The following WWOX variants were observed in gnomAD, a reference collection of about 807,000 sequenced individuals.
The protein encoded by WWOX is WW domain containing oxidoreductase, also known as WW domain-containing oxidoreductase.
In WWOX, 69 loss-of-function variants were observed where a neutral mutation model predicts 46.2. The ratio of observed to expected loss-of-function variants is 1.49; its 90% CI spans 1.23 to 1.82. The LOEUF (loss-of-function observed/expected upper bound fraction) is 1.82. Among genes scored for constraint, WWOX ranks in the 40% most tolerant of loss-of-function variants. The pLI is 0.00. For synonymous variants in WWOX, 359 were observed against 202.6 expected, an observed-to-expected ratio of 1.77 and a Z score of -6.56; for missense variants, 919 against 542.6, an observed-to-expected ratio of 1.69 and a Z score of -6.89.
At chr16:78,717,671 A>G (rs113108321) in intron 8 of WWOX, among the ~76,000 whole-genome samples, 1 of 152,208 alleles carries the variant, frequency 6.6e-6, no homozygotes, top group Non-Finnish European at 1.5e-5. Context: ...GGGTTTTCCA[A>G]GAAGAGGCAC....
At chr16:78,459,488 A>G (rs886842493) in intron 8 of WWOX, among the ~76,000 whole-genome samples, 14 of 152,306 alleles carry the variant, frequency 9.2e-5, no homozygotes, top group African/African-American at 4.8e-5. Context: ...GTCATGCGGT[A>G]TCTGCCATTT....
intron 8 of WWOX, among the ~76,000 whole-genome samples, chr16:78,436,601 G>A (rs576196428): frequency 6.6e-6 from 1 of 152,318 alleles, no homozygotes; most frequent in East Asian, 1.9e-4. Flanking sequence ...AGAAGTTATT[G>A]AGGTTTTTGC....
chr16:78,391,805 C>A lies in WWOX; in HGVS notation c.605+4857C>A, dbSNP rs1231216239. 2.6e-5 allele frequency among the ~76,000 whole-genome samples: 4 copies of A among 152,176 alleles called. No individual in the cohort carries two copies. The South Asian group carries it at 8.3e-4, about 32-fold the overall frequency. ...GGCAGAGGTTGCAGTGAGCCGAGATCATGCCTGGGGGACAGTGAGACTCTG... is the reference window on the plus strand; with the variant it reads ...GGCAGAGGTTGCAGTGAGCCGAGATAATGCCTGGGGGACAGTGAGACTCTG... On this transcript the variant is annotated intron_variant, in intron 6 of 8. Transcript: ENST00000566780.
chr16:79,047,238 A>T (rs1446287361), intron 8 of WWOX, among the ~76,000 whole-genome samples: 3 of 152,172 alleles, frequency 2.0e-5, no homozygotes, highest in Non-Finnish European at 4.4e-5. Flanking sequence ...CCTTACCCTC[A>T]TGGATTCACC....
chr16:78,542,152 C>G (rs1317296329), intron 8 of WWOX, among the ~76,000 whole-genome samples: 3 of 146,828 alleles, frequency 2.0e-5, no homozygotes, highest in Admixed American at 7.2e-5. Flanking sequence ...CACTAGACAT[C>G]TCAGGATTTG....
intron 8 of WWOX, among the ~76,000 whole-genome samples, chr16:78,732,480 A>T (rs150789228): frequency 1.0e-3 from 154 of 152,312 alleles, no homozygotes; most frequent in African/African-American, 3.3e-3. Flanking sequence ...TGTGAAGCAG[A>T]GGCTGACTGT....
intron 8 of WWOX, among the ~76,000 whole-genome samples, chr16:78,904,948 T>A (rs529601498): frequency 1.3e-5 from 2 of 152,328 alleles, no homozygotes; most frequent in South Asian, 4.1e-4. Flanking sequence ...GTTTTCCAAA[T>A]TGTCTTCCCA....
At chr16:78,113,660 C>T (rs150049744) in intron 3 of WWOX, among the ~76,000 whole-genome samples, 4 of 152,124 alleles carry the variant, frequency 2.6e-5, no homozygotes, top group African/African-American at 4.8e-5. Context: ...TTTGTTTCCA[C>T]AGTATAAATA....
At chr16:78,254,502 G>GTTTTTTTTTTTTTTTTTTTTTTT (rs59706959) in intron 5 of WWOX, among the ~76,000 whole-genome samples, 5 of 91,648 alleles carry the variant, frequency 5.5e-5, no homozygotes, top group Admixed American at 1.3e-4. Flanking sequence ...TTTCTTTCTT[G>GTTTTTTTTTTTTTTTTTTTTTTT]TTTTTTTTTT....
At chr16:78,326,796 C>G (rs1358498474) in intron 5 of WWOX, among the ~76,000 whole-genome samples, 1 of 148,750 alleles carries the variant, frequency 6.7e-6, no homozygotes, top group Non-Finnish European at 1.5e-5. Flanking sequence ...GCAGATATAA[C>G]TTTAATTGTC....
chr16:78,858,325 T>C (rs966817972), intron 8 of WWOX, among the ~76,000 whole-genome samples: 9 of 104,816 alleles, frequency 8.6e-5, no homozygotes, highest in Admixed American at 3.1e-4. Flanking sequence ...TAGTCATATA[T>C]ATATATGTGT....
chr16:78,588,171 T>G (rs1287879471), intron 8 of WWOX, among the ~76,000 whole-genome samples: 2 of 152,146 alleles, frequency 1.3e-5, no homozygotes, highest in East Asian at 1.9e-4. Context: ...AATGGTGAAG[T>G]TTCCCCTGGG....
At chr16:78,654,039 A>G (rs1295466679) in intron 8 of WWOX, among the ~76,000 whole-genome samples, 1 of 152,234 alleles carries the variant, frequency 6.6e-6, no homozygotes, top group Admixed American at 6.5e-5. Context: ...CAACTATTGC[A>G]GAAATTTCTG....
At chr16:78,977,358 G>A (rs1489559483) in intron 8 of WWOX, among the ~76,000 whole-genome samples, 1 of 152,154 alleles carries the variant, frequency 6.6e-6, no homozygotes, top group Non-Finnish European at 1.5e-5. Flanking sequence ...TCCAGATCCT[G>A]TTCATTTGCC....
intron 8 of WWOX, among the ~76,000 whole-genome samples, chr16:78,878,632 C>A (rs942978394): frequency 6.6e-6 from 1 of 152,126 alleles, no homozygotes; most frequent in Non-Finnish European, 1.5e-5. Context: ...ACCTAGCACA[C>A]TGTTTGGTGC....
intron 8 of WWOX, among the ~76,000 whole-genome samples, chr16:79,210,979 A>C (rs1277073658): frequency 1.3e-5 from 2 of 151,998 alleles, no homozygotes; most frequent in African/African-American, 2.4e-5. Context: ...TTTTCATGGG[A>C]TCTGGATGAA....
chr16:78,963,990 A>T (rs529908957), intron 8 of WWOX, among the ~76,000 whole-genome samples: 25 of 152,182 alleles, frequency 1.6e-4, no homozygotes, highest in Non-Finnish European at 2.8e-4. Flanking sequence ...ACCACCATGT[A>T]AGAAGTGCCT....
chr16:79,143,846 T>A (rs1325475592), intron 8 of WWOX, among the ~76,000 whole-genome samples: 1 of 152,174 alleles, frequency 6.6e-6, no homozygotes, highest in African/African-American at 2.4e-5. Context: ...TCTGCTGATA[T>A]GAAGCCGATG....
At chr16:78,649,593 A>G (rs72794709) in intron 8 of WWOX, among the ~76,000 whole-genome samples, 1 of 152,172 alleles carries the variant, frequency 6.6e-6, no homozygotes, top group Non-Finnish European at 1.5e-5. Context: ...CCGTTTGTTA[A>G]TACATACCAT....
Sources: gnomAD v4.1 joint callset for allele counts (sites outside exome capture counted in the v4.1 genomes callset) on GRCh38, gnomAD v4.1.1 for gene constraint, MANE v1.5 for transcripts, NCBI Gene and HGNC (gene_info 2026-07-23, HGNC 2026-07-21) for gene names.